The following CADM2 variants were observed in gnomAD, a reference collection of about 807,000 sequenced individuals.
CADM2 encodes cell adhesion molecule 2, also known as immunoglobulin superfamily member 4D.
In CADM2, 12 loss-of-function variants were observed where a neutral mutation model predicts 49.8. That is an observed-to-expected ratio of 0.24 (90% CI 0.15 to 0.39). The LOEUF is 0.39. Ranked by LOEUF, CADM2 falls within the 10% of genes least tolerant of loss-of-function variation. The pLI is 1.00. For synonymous variants in CADM2, 214 were observed against 175.4 expected (o/e 1.22, Z -1.74); for missense variants, 378 against 492.3 (o/e 0.77, Z 2.20).
At chr3:85,739,168 T>C (rs1305583077) in intron 2 of CADM2, among the ~76,000 whole-genome samples, 1 of 152,084 alleles carries the variant, frequency 6.6e-6, no homozygotes, top group East Asian at 1.9e-4. Flanking sequence ...ACTTTATATA[T>C]TCTATTATTA....
chr3:85,455,602 G>C (rs2037953175), intron 1 of CADM2, among the ~76,000 whole-genome samples: 1 of 152,152 alleles, frequency 6.6e-6, no homozygotes. Flanking sequence ...AATTCATATT[G>C]TCTGTGGCAT....
chr3:85,548,831 A>C (rs925078741), intron 1 of CADM2, among the ~76,000 whole-genome samples: 1 of 152,224 alleles, frequency 6.6e-6, no homozygotes, highest in African/African-American at 2.4e-5. Context: ...AAATGTGAAC[A>C]CGAAGGAGAA....
At chr3:85,608,301 A>T (rs965173997) in intron 1 of CADM2, among the ~76,000 whole-genome samples, 2 of 152,188 alleles carry the variant, frequency 1.3e-5, no homozygotes, top group African/African-American at 4.8e-5. Flanking sequence ...ATTCTCTTAA[A>T]TAGGGCCACC....
intron 1 of CADM2, among the ~76,000 whole-genome samples, chr3:85,410,972 G>A (rs1311084744): frequency 1.3e-5 from 2 of 152,134 alleles, no homozygotes; most frequent in African/African-American, 2.4e-5. Flanking sequence ...CCAATAACCC[G>A]ATTAACAACA....
intron 1 of CADM2, among the ~76,000 whole-genome samples, chr3:84,981,597 A>T (rs2032185261): frequency 6.6e-6 from 1 of 152,030 alleles, no homozygotes; most frequent in African/African-American, 2.4e-5. Flanking sequence ...GACAGCTTCT[A>T]CTTGCCCACT....
chr3:84,995,278 GT>G (rs1393675058), intron 1 of CADM2, among the ~76,000 whole-genome samples: 2 of 152,074 alleles, frequency 1.3e-5, no homozygotes, highest in African/African-American at 4.8e-5. Context: ...AGGATGGCAG[GT>G]ACATTTGTTA....
chr3:86,051,299 G>A (rs1737315493), intron 8 of CADM2, among the ~76,000 whole-genome samples: 1 of 152,128 alleles, frequency 6.6e-6, no homozygotes, highest in African/African-American at 2.4e-5. Context: ...CCAGTTCCCA[G>A]TAAGTTCTTT....
chr3:85,026,464 C>T (rs1164883988), intron 1 of CADM2, among the ~76,000 whole-genome samples: 1 of 151,982 alleles, frequency 6.6e-6, no homozygotes, highest in Non-Finnish European at 1.5e-5. Context: ...AGCAAGTTTC[C>T]AATTATTTTA....
chr3:85,219,213 G>A lies in CADM2; in HGVS notation c.61+259545G>A, dbSNP rs955679892. Among the ~76,000 whole-genome samples the A allele has an allele frequency of 2.0e-5, 3 of 152,272 alleles. No individual in the cohort carries two copies. The South Asian group carries it at 6.2e-4, about 32-fold the overall frequency. ...TAAACAATGCATGTATTTACATGAA[G>A]TACAAACATTGTTTCCTAATCAGAG... On this transcript the variant is annotated intron_variant, in intron 1 of 9. Coordinates refer to ENST00000383699, the MANE Select transcript of CADM2 (RefSeq NM_001167675.2).
At chr3:85,656,982 T>C (rs557441520) in intron 1 of CADM2, among the ~76,000 whole-genome samples, 81 of 152,288 alleles carry the variant, frequency 5.3e-4, no homozygotes, top group Non-Finnish European at 9.6e-4. Context: ...TACTTCTAAA[T>C]ATGTCCAGAT....
chr3:85,408,010 C>CAAAAAAAAAAAAAAAAAAAAAAAAAAA (rs372349246), intron 1 of CADM2, among the ~76,000 whole-genome samples: 6 of 56,176 alleles, frequency 1.1e-4, no homozygotes, highest in South Asian at 9.8e-4. Context: ...AAAACAAAAC[C>CAAAAAAAAAAAAAAAAAAAAAAAAAAA]AAAAAAAAAA....
chr3:85,503,057 A>C (rs1400489698), intron 1 of CADM2, among the ~76,000 whole-genome samples: 2 of 142,772 alleles, frequency 1.4e-5, no homozygotes, highest in East Asian at 4.5e-4. Flanking sequence ...CCTAAGTTTT[A>C]GTTGAAATGG....
At chr3:85,804,466 C>T (rs891284628) in intron 3 of CADM2, among the ~76,000 whole-genome samples, 1 of 152,102 alleles carries the variant, frequency 6.6e-6, no homozygotes, top group Non-Finnish European at 1.5e-5. Context: ...ACTTTTATAA[C>T]ATTAGAACAT....
intron 1 of CADM2, among the ~76,000 whole-genome samples, chr3:85,329,879 G>C (rs2044867958): frequency 6.6e-6 from 1 of 151,844 alleles, no homozygotes; most frequent in Non-Finnish European, 1.5e-5. Context: ...CTTTTTGAAA[G>C]AAAAATAAGA....
At chr3:85,629,414 G>C (rs960887608) in intron 1 of CADM2, among the ~76,000 whole-genome samples, 10 of 151,778 alleles carry the variant, frequency 6.6e-5, no homozygotes, top group South Asian at 4.1e-4. Context: ...CACACACACA[G>C]AGATATCTAA....
intron 1 of CADM2, among the ~76,000 whole-genome samples, chr3:85,172,577 C>T (rs941542930): frequency 3.9e-5 from 6 of 152,104 alleles, no homozygotes; most frequent in Admixed American, 3.3e-4. Flanking sequence ...TAGAACCTGA[C>T]AAGCGTAGGA....
At chr3:85,310,875 A>C (rs548906233) in intron 1 of CADM2, among the ~76,000 whole-genome samples, 1 of 152,276 alleles carries the variant, frequency 6.6e-6, no homozygotes. Flanking sequence ...TTAGTTTATA[A>C]AAATATATGT....
rs73845616 is a variant in CADM2 at position 85,678,697 on chromosome 3, C to T, written c.62-47825C>T. Among the ~76,000 whole-genome samples the T allele has an allele frequency of 2.7e-3, 404 of 152,194 alleles. 1 individual carries two copies. Among genetic ancestry groups the T allele is most frequent in the African/African-American group, 9.0e-3 (372 of 41,510 alleles). On this transcript the variant is annotated intron_variant, in intron 1 of 9. Transcript: ENST00000383699. ...CTCATAAAAATCTATGAAATGGCAA[C>T]GTAATATTGGCAAACACAAATTAAC... is the stretch of plus-strand genomic sequence containing the variant.
chr3:85,394,852 A>C (rs1457117524), intron 1 of CADM2, among the ~76,000 whole-genome samples: 1 of 152,164 alleles, frequency 6.6e-6, no homozygotes, highest in Non-Finnish European at 1.5e-5. Flanking sequence ...TGCTTAGTGC[A>C]TCCAAAATGT....
Sources: gnomAD v4.1 joint callset for allele counts (sites outside exome capture counted in the v4.1 genomes callset) on GRCh38, gnomAD v4.1.1 for gene constraint, MANE v1.5 for transcripts, NCBI Gene and HGNC (gene_info 2026-07-23, HGNC 2026-07-21) for gene names.